CHRM3: variants seen among roughly 807,000 people sequenced by gnomAD.
The protein encoded by CHRM3 is cholinergic receptor muscarinic 3.
Under a neutral mutation model 41.8 loss-of-function variants are expected in CHRM3, and 11 were observed. The ratio of observed to expected loss-of-function variants is 0.26; its 90% CI spans 0.17 to 0.44. CHRM3 has a LOEUF of 0.44. CHRM3 is among the 20% of genes least tolerant of loss of function. The pLI, the probability that CHRM3 is intolerant of heterozygous loss-of-function variation, is 1.00. For missense variants in CHRM3, 571 were observed against 745.4 expected (o/e 0.77, Z 2.72); for synonymous variants, 297 against 301.4 (o/e 0.99, Z 0.15).
chr1:239,614,745 A>T (rs1667448497), intron 3 of CHRM3, among the ~76,000 whole-genome samples: 1 of 152,306 alleles, frequency 6.6e-6, no homozygotes, highest in African/African-American at 2.4e-5. Context: ...CCTAGCTTTT[A>T]CCTTATCCAA....
chr1:239,761,464 G>A (rs959106386), intron 5 of CHRM3, among the ~76,000 whole-genome samples: 3 of 152,168 alleles, frequency 2.0e-5, no homozygotes, highest in African/African-American at 7.2e-5. Context: ...GATATTTTGA[G>A]TTGCTGGGGA....
chr1:239,899,493 CAT>C (rs111440732), intron 6 of CHRM3, among the ~76,000 whole-genome samples: 57,110 of 149,944 alleles, frequency 0.38, 11,029 homozygotes, highest in South Asian at 0.46. Flanking sequence ...TACTCACACA[CAT>C]GTATATATAC....
chr1:239,763,850 C>A (rs541385619), intron 5 of CHRM3, among the ~76,000 whole-genome samples: 1 of 151,880 alleles, frequency 6.6e-6, no homozygotes, highest in Non-Finnish European at 1.5e-5. Flanking sequence ...AATCCCAGAA[C>A]TTTGGGAGGC....
intron 1 of CHRM3, among the ~76,000 whole-genome samples, chr1:239,433,351 C>T (rs1662977441): frequency 6.6e-6 from 1 of 152,162 alleles, no homozygotes; most frequent in Non-Finnish European, 1.5e-5. Flanking sequence ...CTCTAAGCAC[C>T]TCCTTCTAAT....
intron 5 of CHRM3, among the ~76,000 whole-genome samples, chr1:239,798,121 T>C (rs529991292): frequency 6.6e-6 from 1 of 152,330 alleles, no homozygotes; most frequent in South Asian, 2.1e-4. Flanking sequence ...ACCTCCTTTT[T>C]CCCAGTTGCT....
chr1:239,777,708 C>G (rs908616074), intron 5 of CHRM3, among the ~76,000 whole-genome samples: 1 of 152,050 alleles, frequency 6.6e-6, no homozygotes, highest in Non-Finnish European at 1.5e-5. Context: ...TTATGATATT[C>G]AGATGCAAAT....
intron 6 of CHRM3, among the ~76,000 whole-genome samples, chr1:239,882,004 C>T (rs1164156189): frequency 1.3e-5 from 2 of 152,168 alleles, no homozygotes; most frequent in African/African-American, 4.8e-5. Flanking sequence ...CTCCCGGGTT[C>T]AAGCAATTCT....
chr1:239,775,679 A>G lies in CHRM3; in HGVS notation c.-146-51573A>G. On this transcript the variant is annotated intron_variant, in intron 5 of 6. Transcript: ENST00000676153. ...AAGCACAAGGTATTGTAAAAGAGGAAATCGTGGAATAGCATCATGTTATGA... is the reference window on the plus strand; with the variant it reads ...AAGCACAAGGTATTGTAAAAGAGGAGATCGTGGAATAGCATCATGTTATGA... Among the ~76,000 whole-genome samples the G allele has an allele frequency of 1.3e-5, 2 of 152,198 alleles. 1 individual carries two copies. The highest frequency in any genetic ancestry group is 3.8e-4 in the East Asian group (2 of 5,196).
At chr1:239,652,881 T>C (rs1672365138) in intron 4 of CHRM3, among the ~76,000 whole-genome samples, 1 of 152,206 alleles carries the variant, frequency 6.6e-6, no homozygotes. Context: ...TAAGAACTAT[T>C]TTGTAGAAGT....
intron 5 of CHRM3, among the ~76,000 whole-genome samples, chr1:239,745,462 G>T (rs1484873832): frequency 6.6e-6 from 1 of 151,850 alleles, no homozygotes; most frequent in Non-Finnish European, 1.5e-5. Flanking sequence ...TTTCCAAAGG[G>T]ACCAATAGTG....
chr1:239,498,477 C>T (rs1410401286), intron 2 of CHRM3, among the ~76,000 whole-genome samples: 2 of 152,130 alleles, frequency 1.3e-5, no homozygotes, highest in Admixed American at 6.6e-5. Flanking sequence ...ATGAATCCTA[C>T]ATCTTTTCGT....
intron 5 of CHRM3, among the ~76,000 whole-genome samples, chr1:239,688,845 TTTA>T (rs1659437042): frequency 7.1e-6 from 1 of 141,544 alleles, no homozygotes; most frequent in Non-Finnish European, 1.5e-5. Flanking sequence ...AATATATATA[TTTA>T]TATATTTTAT....
At chr1:239,768,716 A>G (rs575445189) in intron 5 of CHRM3, among the ~76,000 whole-genome samples, 103 of 152,232 alleles carry the variant, frequency 6.8e-4, no homozygotes, top group Non-Finnish European at 1.3e-3. Context: ...CTCCCATATC[A>G]GAAGTCTCTT....
chr1:239,667,602 A>G (rs1422809458), intron 4 of CHRM3, among the ~76,000 whole-genome samples: 1 of 152,170 alleles, frequency 6.6e-6, no homozygotes, highest in African/African-American at 2.4e-5. Context: ...ACTGAAGCTC[A>G]AGGGGGAGAA....
chr1:239,531,772 G>A (rs1483185764), intron 2 of CHRM3, among the ~76,000 whole-genome samples: 2 of 140,158 alleles, frequency 1.4e-5, no homozygotes, highest in Non-Finnish European at 3.0e-5. Flanking sequence ...CAATTCTCCT[G>A]TCTCAGCCTC....
rs372204326 is a variant in CHRM3 at position 239,430,781 on chromosome 1, CTT to C, written c.-521+43564_-521+43565del. Among the ~76,000 whole-genome samples, 57 of 140,896 alleles carry C rather than the reference CTT, an allele frequency of 4.0e-4. 1 individual carries two copies. The Middle Eastern group carries it at 0.011, about 27-fold the overall frequency. 92.4% of individuals were successfully genotyped at this position (140,896 alleles called of 152,430 possible). On this transcript the variant is annotated intron_variant, in intron 1 of 6. Transcript: ENST00000676153. ...AGTCTGATTAGAGTTTAGCTTTTTG[CTT>C]TTTTTTTTTGGCATTTCTTTTTGCT... is the stretch of plus-strand genomic sequence containing the variant.
At chr1:239,863,766 G>T (rs12059754) in intron 6 of CHRM3, among the ~76,000 whole-genome samples, 12,443 of 152,090 alleles carry the variant, frequency 0.082, 663 homozygotes, top group African/African-American at 0.16. Flanking sequence ...GTAGACAGTG[G>T]CATAATTCTT....
chr1:239,495,121 A>G (rs900325190), intron 2 of CHRM3, among the ~76,000 whole-genome samples: 9 of 152,162 alleles, frequency 5.9e-5, no homozygotes, highest in Admixed American at 5.2e-4. Flanking sequence ...GGATAATGAA[A>G]TTCTTGAACT....
At chr1:239,472,821 C>T (rs959923492) in intron 1 of CHRM3, among the ~76,000 whole-genome samples, 1 of 151,992 alleles carries the variant, frequency 6.6e-6, no homozygotes, top group Non-Finnish European at 1.5e-5. Context: ...AGCACACCAC[C>T]ATGGCACATG....
Sources: allele counts gnomAD v4.1 joint callset (sites outside exome capture counted in the v4.1 genomes callset), GRCh38; gene constraint gnomAD v4.1.1; transcripts MANE v1.5; gene names NCBI Gene and HGNC (gene_info 2026-07-23, HGNC 2026-07-21).